The following DSG1 variants were observed in gnomAD, a reference collection of about 807,000 sequenced individuals.
DSG1 encodes desmoglein 1.
DSG1 carries 39 observed loss-of-function variants against 97.5 expected under a neutral mutation model. The ratio of observed to expected loss-of-function variants is 0.40; its 90% CI spans 0.31 to 0.52. The LOEUF is 0.52. DSG1 is among the 20% of genes least tolerant of loss of function. The pLI is 0.53. For missense variants in DSG1, 1,311 were observed against 1,295.4 expected (o/e 1.01, Z -0.18); for synonymous variants, 475 against 443.4 (o/e 1.07, Z -0.90).
At chr18:31,345,880 G>T in intron 13 of DSG1, 110 bp from the exon 14 acceptor site, 1 of 775,022 alleles carries the variant, frequency 1.3e-6, no homozygotes, top group Non-Finnish European at 2.2e-6. Context: ...TTATTTCTTT[G>T]TTCACAAATG....
intron 4 of DSG1, among the ~76,000 whole-genome samples, chr18:31,328,570 T>C (rs1042373283): frequency 1.3e-5 from 2 of 152,164 alleles, no homozygotes; most frequent in South Asian, 2.1e-4. Context: ...ACTGTCCTCA[T>C]TGGCAAACTA....
Position 31,356,541 on chromosome 18 carries a change from T to A in DSG1, c.*1195T>A, listed in dbSNP as rs2071960529. On this transcript the variant is annotated 3_prime_UTR_variant, in exon 15 of 15. Coordinates refer to ENST00000257192, the MANE Select transcript of DSG1 (RefSeq NM_001942.4). ...TACCATGCTAATTATTCGCTTTTAGTAAGTAAAGTAGTGGTTGCTTTAGCA... is the reference window on the plus strand; with the variant it reads ...TACCATGCTAATTATTCGCTTTTAGAAAGTAAAGTAGTGGTTGCTTTAGCA... 6.6e-6 allele frequency: 1 copy of A among 152,184 alleles called. No individual in the cohort carries two copies. The highest frequency in any genetic ancestry group is 1.5e-5 in the Non-Finnish European group (1 of 68,040). 9.4% of individuals were successfully genotyped at this position (152,184 alleles called of 1,614,324 possible).
intron 2 of DSG1, 48 bp downstream of exon 2, chr18:31,326,664 A>G: frequency 1.3e-6 from 2 of 1,486,354 alleles, no homozygotes; most frequent in Middle Eastern, 1.7e-4. Flanking sequence ...CAAGAAAATA[A>G]TTTGAGAATA....
At chr18:31,338,570 C>T in intron 10 of DSG1, 116 bp downstream of exon 10, 1 of 1,113,420 alleles carries the variant, frequency 9.0e-7, no homozygotes, top group Non-Finnish European at 1.3e-6. Context: ...AGTTGTCACA[C>T]TGGGCATTAT....
intron 10 of DSG1, among the ~76,000 whole-genome samples, chr18:31,339,367 AAAAG>A (rs568807172): frequency 6.6e-6 from 1 of 152,242 alleles, no homozygotes; most frequent in South Asian, 2.1e-4. Context: ...AATTAAGGAC[AAAAG>A]ATCATTTTTA....
chr18:31,329,980 C>G lies in DSG1; in HGVS notation c.461C>G (p.Pro154Arg). ...RVRVLDINDN[P>R]PVFSMATFAG... is the part of the protein sequence containing the mutation. ...AGGGTTTTGGATATAAATGACAACC[C>G]TCCAGTGTTTTCAATGGCTACATTT... The change falls in exon 5 of 15, where the codon CCT (proline) becomes CGT (arginine). Residue 154 changes from proline (P) to arginine (R), a missense_variant. Physicochemically the swap from Pro to Arg is moderately radical, Grantham distance 103 (BLOSUM62 -2). Coordinates refer to ENST00000257192, the MANE Select transcript of DSG1 (RefSeq NM_001942.4). The G allele has an allele frequency of 2.5e-6, 4 of 1,613,306 alleles. No individual in the cohort carries two copies. The highest frequency in any genetic ancestry group is 3.4e-6 in the Non-Finnish European group (4 of 1,179,406).
At chr18:31,351,224 G>A (rs1428836761) in intron 14 of DSG1, among the ~76,000 whole-genome samples, 6 of 149,024 alleles carry the variant, frequency 4.0e-5, no homozygotes, top group Admixed American at 3.3e-4. Flanking sequence ...ATTTCGTTAT[G>A]TACCCAGTAG....
In DSG1 at chr18:31,355,219, G is replaced by A. The variant is rs142678838; in HGVS notation, c.3023G>A (p.Gly1008Glu). 1,517 of 1,604,210 alleles carry A rather than the reference G, an allele frequency of 9.5e-4. 13 individuals carry two copies. The African/African-American group carries it at 0.017, about 18-fold the overall frequency. The change falls in exon 15 of 15, where the codon GGG (glycine) becomes GAG (glutamate). Residue 1008 changes from glycine (G) to glutamate (E), a missense_variant. Physicochemically the swap from Gly to Glu is moderately conservative, Grantham distance 98 (BLOSUM62 -2). Coordinates refer to ENST00000257192, the MANE Select transcript of DSG1 (RefSeq NM_001942.4). Reference protein sequence around the residue: ...GGGIGLSSLGGTASIGHMRSS... With the variant: ...GGGIGLSSLGETASIGHMRSS... ...GGCATTGGCCTGAGCAGCTTGGGAG[G>A]GACAGCCAGCATTGGCCACATGAGG...
At chr18:31,342,135 T>C (rs552681645) in intron 11 of DSG1, among the ~76,000 whole-genome samples, 81 of 152,246 alleles carry the variant, frequency 5.3e-4, no homozygotes, top group Non-Finnish European at 7.5e-4. Context: ...GGTTTCACCA[T>C]ATTGGCCAGG....
chr18:31,320,560 G>A (rs909889067), intron 1 of DSG1, among the ~76,000 whole-genome samples: 7 of 152,208 alleles, frequency 4.6e-5, no homozygotes, highest in Admixed American at 3.3e-4. Flanking sequence ...TGCTCTTACA[G>A]CAATCAAGAT....
intron 11 of DSG1, among the ~76,000 whole-genome samples, chr18:31,341,946 T>G (rs1598707447): frequency 2.2e-5 from 1 of 45,908 alleles, no homozygotes; most frequent in African/African-American, 7.7e-5. Flanking sequence ...GTTTTTTTGT[T>G]TTTTTTTGAG....
At chr18:31,340,553 C>CA (rs202063226) in intron 11 of DSG1, among the ~76,000 whole-genome samples, 9,172 of 93,038 alleles carry the variant, frequency 0.099, 508 homozygotes, top group African/African-American at 0.21. Flanking sequence ...GGTTCAGTCT[C>CA]AAAAAAAAAA....
intron 1 of DSG1, 122 bp from the exon 2 acceptor site, chr18:31,326,459 A>G (rs1406151741): frequency 1.3e-6 from 1 of 783,946 alleles, no homozygotes; most frequent in Non-Finnish European, 2.1e-6. Flanking sequence ...TATTTGGCTG[A>G]TAAAATAATT....
Position 31,333,781 on chromosome 18 carries a change from C to T in DSG1, c.819+58C>T, listed in dbSNP as rs559039396. 1,059 of 1,583,686 alleles carry T rather than the reference C, an allele frequency of 6.7e-4. 1 individual carries two copies. The highest frequency in any genetic ancestry group is 1.8e-3 in the Middle Eastern group (11 of 6,006). On this transcript the variant is annotated intron_variant, in intron 7 of 14. Transcript: ENST00000257192. ...AATTCGCTATATTCTAAAACATATA[C>T]GAACAATTCTGCTTACAGAGGCACA...
intron 3 of DSG1, among the ~76,000 whole-genome samples, 154 bp downstream of exon 3, chr18:31,327,159 A>G (rs936270686): frequency 3.9e-5 from 6 of 152,072 alleles, no homozygotes; most frequent in Admixed American, 3.3e-4. Flanking sequence ...TGAAACTCAT[A>G]AGGAGAAATT....
chr18:31,359,182 G>T lies in DSG1; in HGVS notation c.*3836G>T, dbSNP rs374235029. ...TAGTTTCTTGCTTGGTTATCTGTTC[G>T]TTTTTTTAAGTTGATTTGTAATTTC... On this transcript the variant is annotated 3_prime_UTR_variant, in exon 15 of 15. Transcript: ENST00000257192. 7.2e-5 allele frequency among the ~76,000 whole-genome samples: 11 copies of T among 151,788 alleles called. No homozygotes were observed. Among genetic ancestry groups the T allele is most frequent in the African/African-American group, 2.7e-4 (11 of 41,330 alleles).
intron 14 of DSG1, chr18:31,353,935 G>C (rs908618729): frequency 3.6e-6 from 1 of 281,320 alleles, no homozygotes; most frequent in Non-Finnish European, 6.9e-6. Flanking sequence ...CGTCTTCTGC[G>C]TCGCTCACGC....
At chr18:31,325,485 C>T (rs960030382) in intron 1 of DSG1, among the ~76,000 whole-genome samples, 4 of 152,212 alleles carry the variant, frequency 2.6e-5, no homozygotes, top group African/African-American at 9.7e-5. Context: ...CATAAATTCA[C>T]AGGCAGCAAG....
At chr18:31,330,266 GAA>G (rs1393030114) in intron 5 of DSG1, among the ~76,000 whole-genome samples, 1 of 152,114 alleles carries the variant, frequency 6.6e-6, no homozygotes, top group Non-Finnish European at 1.5e-5. Flanking sequence ...CAGCCCTGTA[GAA>G]GAGTCCTAAC....
Sources: gnomAD v4.1 joint callset for allele counts (sites outside exome capture counted in the v4.1 genomes callset) on GRCh38, gnomAD v4.1.1 for gene constraint, MANE v1.5 for transcripts, NCBI Gene and HGNC (gene_info 2026-07-23, HGNC 2026-07-21) for gene names.